Variants in HDGFL3 observed in about 807,000 individuals in gnomAD.
HDGFL3 encodes the protein HDGF like 3, also known as hepatoma-derived growth factor-related protein 3.
In HDGFL3, 6 loss-of-function variants were observed where a neutral mutation model predicts 27.6. The observed-to-expected ratio is 0.22, with a 90% confidence interval of 0.12 to 0.43. The LOEUF (loss-of-function observed/expected upper bound fraction) is 0.43, where lower values mean the gene tolerates loss of function less well. Among genes scored for constraint, HDGFL3 ranks in the 20% least tolerant of loss-of-function variants. The probability of loss-of-function intolerance (pLI) is 1.00; values close to 1 mark genes in which losing one functional copy is unlikely to be tolerated. For missense variants in HDGFL3, 207 were observed against 250.1 expected, an observed-to-expected ratio of 0.83 and a Z score of 1.16; for synonymous variants, 88 against 88.9, an observed-to-expected ratio of 0.99 and a Z score of 0.05.
rs149505773 is a variant in HDGFL3 at position 83,118,799 on chromosome 15, C to T, written c.394-3058G>A. ...GGGCCAAAACAACAGTAAAAATGCA[C>T]GGAAAATTGATGACAGTGATTTTCT... On this transcript the variant is annotated intron_variant, in intron 3 of 3. Transcript: ENST00000568294. Among the ~76,000 whole-genome samples, 844 of 152,198 alleles carry T rather than the reference C, an allele frequency of 5.5e-3. 4 individuals carry two copies. Among genetic ancestry groups the T allele is most frequent in the Middle Eastern group, 0.01 (3 of 294 alleles).
intron 1 of HDGFL3, among the ~76,000 whole-genome samples, chr15:83,203,173 A>C (rs922635743): frequency 3.9e-5 from 6 of 152,020 alleles, no homozygotes; most frequent in African/African-American, 1.4e-4. Context: ...AATAATTTTG[A>C]GGCTTTTCGT....
At chr15:83,125,511 T>G (rs920182478), downstream of HDGFL3, among the ~76,000 whole-genome samples, 5 of 152,188 alleles carry the variant, frequency 3.3e-5, no homozygotes, top group African/African-American at 1.2e-4. Context: ...TTTTGGAGAT[T>G]AAATAATGTA....
intron 1 of HDGFL3, among the ~76,000 whole-genome samples, chr15:83,172,019 A>G (rs1029419826): frequency 6.6e-6 from 1 of 152,234 alleles, no homozygotes; most frequent in Non-Finnish European, 1.5e-5. Flanking sequence ...AAAGGCCACC[A>G]GTAACATTCC....
intron 1 of HDGFL3, among the ~76,000 whole-genome samples, chr15:83,167,345 C>T (rs2037184505): frequency 6.6e-6 from 1 of 152,158 alleles, no homozygotes. Flanking sequence ...CACCCGAGGT[C>T]AGGAGATCGA....
chr15:83,158,881 T>G (rs528626931), intron 2 of HDGFL3, among the ~76,000 whole-genome samples: 1 of 152,324 alleles, frequency 6.6e-6, no homozygotes, highest in East Asian at 1.9e-4. Flanking sequence ...TTTGCTCTTG[T>G]TGCCCAGGCT....
At chr15:83,162,694 G>A (rs1485790052) in intron 2 of HDGFL3, among the ~76,000 whole-genome samples, 2 of 152,164 alleles carry the variant, frequency 1.3e-5, no homozygotes, top group Non-Finnish European at 2.9e-5. Context: ...TCTGTCTTGA[G>A]AGGCTTCTCC....
chr15:83,140,480 AGTTT>A (rs2036746227), intron 5 of HDGFL3, among the ~76,000 whole-genome samples: 1 of 111,012 alleles, frequency 9.0e-6, no homozygotes, highest in Non-Finnish European at 1.8e-5. Flanking sequence ...AACCAAAGAA[AGTTT>A]TTTTTTTTTT....
intron 2 of HDGFL3, among the ~76,000 whole-genome samples, chr15:83,159,032 G>A (rs1354592110): frequency 6.6e-6 from 1 of 151,906 alleles, no homozygotes; most frequent in Non-Finnish European, 1.5e-5. Context: ...GTAGAGACGG[G>A]GTTTCGCCAC....
In HDGFL3 at chr15:83,133,578, C is replaced by G. The variant is rs1049483440; in HGVS notation, c.*5692G>C. The G allele has an allele frequency of 4.6e-5, 7 of 152,234 alleles. No individual in the cohort carries two copies. Among genetic ancestry groups the G allele is most frequent in the African/African-American group, 1.7e-4 (7 of 41,452 alleles). 9.4% of individuals were successfully genotyped at this position (152,234 alleles called of 1,614,324 possible). Reference sequence around the variant, plus strand: ...TTATTAGGGACTCAACCTCACATTGCTAAATTCTGGAGAAATTTCTAGGAT... The same window carrying G: ...TTATTAGGGACTCAACCTCACATTGGTAAATTCTGGAGAAATTTCTAGGAT... On this transcript the variant is annotated 3_prime_UTR_variant, in exon 6 of 6. Transcript: ENST00000299633.
At chr15:83,151,089 T>C in intron 5 of HDGFL3, 126 bp downstream of exon 5, 1 of 842,644 alleles carries the variant, frequency 1.2e-6, no homozygotes, top group Non-Finnish European at 1.9e-6. Flanking sequence ...AGTGGATGCA[T>C]ATAATAGGCT....
intron 1 of HDGFL3, among the ~76,000 whole-genome samples, chr15:83,199,814 G>T (rs985677966): frequency 6.8e-6 from 1 of 147,322 alleles, no homozygotes; most frequent in Non-Finnish European, 1.5e-5. Context: ...AGGCCGAGGC[G>T]GGTGGATCAC....
chr15:83,115,907 A>G, intron 3 of HDGFL3: 1 of 1,614,182 alleles, frequency 6.2e-7, no homozygotes, highest in South Asian at 1.1e-5. Context: ...GCAAGATGGA[A>G]TCATTGACGG....
chr15:83,154,705 CTT>C (rs1263366572), intron 4 of HDGFL3, among the ~76,000 whole-genome samples: 1 of 152,082 alleles, frequency 6.6e-6, no homozygotes. Flanking sequence ...AAGTGAAAAA[CTT>C]TTTGTTCTCC....
intron 1 of HDGFL3, among the ~76,000 whole-genome samples, chr15:83,167,959 C>T (rs1037435725): frequency 1.1e-4 from 16 of 152,072 alleles, no homozygotes; most frequent in Non-Finnish European, 1.9e-4. Context: ...ATCAACTATA[C>T]TCTCAGGCCA....
intron 1 of HDGFL3, among the ~76,000 whole-genome samples, chr15:83,186,707 A>G (rs2037447334): frequency 6.6e-6 from 1 of 152,056 alleles, no homozygotes; most frequent in South Asian, 2.1e-4. Context: ...ACAGAGTGGT[A>G]TAATGGACAC....
rs747659212 is a variant in HDGFL3, at chr15:83,157,906, G to A, written c.297C>T (p.Tyr99=). 3.1e-6 allele frequency: 5 copies of A among 1,610,880 alleles called. No homozygotes were observed. The South Asian group carries it at 5.5e-5, about 18-fold the overall frequency. The part of the protein sequence containing the change: ...ENNPGVKFTG[Y]QAIQQQSSSE... The stretch of plus-strand genomic sequence containing the variant: ...TGACAAGGAAGTAAACCATTACCTG[G>A]TAGCCAGTAAACTTTACTCCTGGGT... The change falls in exon 3 of 6, where the codon TAC becomes TAT. Residue 99 remains tyrosine (Y), a synonymous_variant. Coordinates refer to ENST00000299633, the MANE Select transcript of HDGFL3 (RefSeq NM_016073.4).
intron 1 of HDGFL3, among the ~76,000 whole-genome samples, chr15:83,194,905 A>T (rs575451777): frequency 6.6e-6 from 1 of 152,328 alleles, no homozygotes; most frequent in East Asian, 1.9e-4. Context: ...TATCATTTAA[A>T]TTTTCATTAA....
chr15:83,125,221 A>G (rs2035631232), downstream of HDGFL3, among the ~76,000 whole-genome samples: 3 of 152,208 alleles, frequency 2.0e-5, no homozygotes, highest in Non-Finnish European at 4.4e-5. Context: ...ATGTAGGGTC[A>G]TGGGAATGTC....
At position 83,135,855 on chromosome 15, in the gene HDGFL3, C is replaced by G. The variant is rs1231882476; in HGVS notation, c.*3415G>C. 6.6e-6 allele frequency: 1 copy of G among 152,122 alleles called. No homozygotes were observed. The highest frequency in any genetic ancestry group is 2.4e-5 in the African/African-American group (1 of 41,418). 9.4% of individuals were successfully genotyped at this position (152,122 alleles called of 1,614,324 possible). A position where few individuals can be genotyped will look rare whatever the true frequency, so the allele number is the denominator to read the frequency against. Reference sequence around the variant, plus strand: ...CCACCCAAGTTGGTAACAACCTTATCTTACAAACAACCCTTAATATTTTAA... The same window carrying G: ...CCACCCAAGTTGGTAACAACCTTATGTTACAAACAACCCTTAATATTTTAA... On this transcript the variant is annotated 3_prime_UTR_variant, in exon 6 of 6. Coordinates refer to ENST00000299633, the MANE Select transcript of HDGFL3 (RefSeq NM_016073.4).
Sources: gnomAD v4.1 joint callset for allele counts (sites outside exome capture counted in the v4.1 genomes callset) on GRCh38, gnomAD v4.1.1 for gene constraint, MANE v1.5 for transcripts, NCBI Gene and HGNC (gene_info 2026-07-23, HGNC 2026-07-21) for gene names.